The following RBFOX1 variants were observed in gnomAD, a reference collection of about 807,000 sequenced individuals.
RBFOX1 encodes RNA binding fox-1 homolog 1.
Under a neutral mutation model 57.7 loss-of-function variants are expected in RBFOX1, and 8 were observed. That is an observed-to-expected ratio of 0.14 (90% CI 0.08 to 0.25). The LOEUF is 0.25. Ranked by LOEUF, RBFOX1 falls within the 10% of genes least tolerant of loss-of-function variation. The probability of loss-of-function intolerance (pLI) is 1.00; values close to 1 mark genes in which losing one functional copy is unlikely to be tolerated. For missense variants in RBFOX1, 611 were observed against 548.5 expected (o/e 1.11, Z -1.14); for synonymous variants, 326 against 222.4 (o/e 1.47, Z -4.15).
At chr16:7,395,939 A>T (rs1179575477) in intron 4 of RBFOX1, among the ~76,000 whole-genome samples, 1 of 152,160 alleles carries the variant, frequency 6.6e-6, no homozygotes, top group Non-Finnish European at 1.5e-5. Context: ...TTGTCGCAAA[A>T]TACACACCTA....
At chr16:6,094,466 C>G (rs1257006455) in intron 1 of RBFOX1, among the ~76,000 whole-genome samples, 1 of 152,044 alleles carries the variant, frequency 6.6e-6, no homozygotes, top group African/African-American at 2.4e-5. Context: ...TCTAAAGTCA[C>G]CAAGAGAGAA....
In RBFOX1 at chr16:6,815,737, C is replaced by T. The variant is rs138578491; in HGVS notation, c.-16+161087C>T. On this transcript the variant is annotated intron_variant, in intron 3 of 15. Coordinates refer to ENST00000550418, the MANE Select transcript of RBFOX1 (RefSeq NM_018723.4). The stretch of plus-strand genomic sequence containing the variant: ...ACCATTACCCACTCTTCTCTCTGGT[C>T]CCCAGCAAAAAGTCTATAGTTTGCA... 9.2e-5 allele frequency among the ~76,000 whole-genome samples: 14 copies of T among 152,290 alleles called. No individual in the cohort carries two copies. In the East Asian group the frequency reaches 1.2e-3, roughly 13 times the overall value.
chr16:7,662,612 T>G (rs2068050060), intron 12 of RBFOX1, among the ~76,000 whole-genome samples: 1 of 152,182 alleles, frequency 6.6e-6, no homozygotes, highest in South Asian at 2.1e-4. Flanking sequence ...ACGAGTCACA[T>G]GCACACAGAC....
intron 4 of RBFOX1, among the ~76,000 whole-genome samples, chr16:7,247,476 A>G (rs990121653): frequency 6.6e-6 from 1 of 152,162 alleles, no homozygotes; most frequent in Non-Finnish European, 1.5e-5. Flanking sequence ...TGTGATAGGC[A>G]CTCAGTAAAT....
chr16:6,970,706 A>G (rs1179278233), intron 3 of RBFOX1, among the ~76,000 whole-genome samples: 1 of 152,186 alleles, frequency 6.6e-6, no homozygotes, highest in African/African-American at 2.4e-5. Flanking sequence ...TAATACTATC[A>G]TGTTGGATAT....
intron 3 of RBFOX1, among the ~76,000 whole-genome samples, chr16:6,657,479 G>A (rs963748306): frequency 6.6e-6 from 1 of 152,002 alleles, no homozygotes; most frequent in Non-Finnish European, 1.5e-5. Context: ...ATGGTGTGAG[G>A]CCACACAGGG....
Position 6,730,761 on chromosome 16 carries a change from G to A in RBFOX1, c.-16+76111G>A, listed in dbSNP as rs372725615. On this transcript the variant is annotated intron_variant, in intron 3 of 15. Coordinates refer to ENST00000550418, the MANE Select transcript of RBFOX1 (RefSeq NM_018723.4). ...ACAAAACCGATTATTTAGTGGGTTA[G>A]GAATTCTAGAGTTGGAAGATGGCTT... 2.2e-4 allele frequency among the ~76,000 whole-genome samples: 34 copies of A among 152,306 alleles called. No homozygotes were observed. In the East Asian group the frequency reaches 5.2e-3, roughly 23 times the overall value.
chr16:7,601,973 A>G (rs930382793), intron 9 of RBFOX1, among the ~76,000 whole-genome samples: 15 of 152,322 alleles, frequency 9.8e-5, no homozygotes, highest in African/African-American at 3.6e-4. Context: ...CACCTGTACC[A>G]TGTCAGCTGC....
At chr16:5,379,118 C>T (rs1470442932) in intron 1 of RBFOX1, among the ~76,000 whole-genome samples, 2 of 151,504 alleles carry the variant, frequency 1.3e-5, no homozygotes, top group Non-Finnish European at 2.9e-5. Flanking sequence ...GCATCAACAG[C>T]GTAAGAGACG....
intron 1 of RBFOX1, among the ~76,000 whole-genome samples, chr16:5,406,843 C>T (rs920638389): frequency 1.3e-5 from 2 of 152,080 alleles, no homozygotes; most frequent in African/African-American, 2.4e-5. Flanking sequence ...TAGTCAGATC[C>T]GTGGGCACTC....
intron 3 of RBFOX1, among the ~76,000 whole-genome samples, chr16:5,802,942 G>A (rs190814443): frequency 2.0e-4 from 31 of 152,278 alleles, no homozygotes; most frequent in Middle Eastern, 3.4e-3. Flanking sequence ...CAATATGCTT[G>A]TCTTGAACTT....
At chr16:6,784,740 A>G (rs551369591) in intron 3 of RBFOX1, among the ~76,000 whole-genome samples, 68 of 151,674 alleles carry the variant, frequency 4.5e-4, no homozygotes, top group Middle Eastern at 3.2e-3. Context: ...TAGTTGTTCA[A>G]TTTGGTGTTC....
chr16:6,370,026 T>G (rs1252628896), intron 2 of RBFOX1, among the ~76,000 whole-genome samples: 1 of 152,096 alleles, frequency 6.6e-6, no homozygotes, highest in Non-Finnish European at 1.5e-5. Context: ...ACAGTGACAG[T>G]CTTGCTTGGT....
At chr16:5,555,957 G>T (rs928929620) in intron 2 of RBFOX1, among the ~76,000 whole-genome samples, 2 of 152,114 alleles carry the variant, frequency 1.3e-5, no homozygotes, top group African/African-American at 2.4e-5. Context: ...GGAGGTGGAG[G>T]TTGCAGCGAG....
At chr16:5,879,770 A>C (rs60226700) in intron 4 of RBFOX1, among the ~76,000 whole-genome samples, 1 of 152,154 alleles carries the variant, frequency 6.6e-6, no homozygotes, top group Non-Finnish European at 1.5e-5. Context: ...GGGTGGCTCT[A>C]TCCATCTGTT....
chr16:5,318,596 CAAA>C (rs869222399), intron 1 of RBFOX1, among the ~76,000 whole-genome samples: 1 of 129,924 alleles, frequency 7.7e-6, no homozygotes, highest in South Asian at 2.7e-4. Flanking sequence ...AAAAAACAAA[CAAA>C]AAAACAAAAC....
intron 3 of RBFOX1, among the ~76,000 whole-genome samples, chr16:6,891,806 T>A (rs2065493860): frequency 6.6e-6 from 1 of 152,190 alleles, no homozygotes; most frequent in Admixed American, 6.5e-5. Flanking sequence ...GAGCAAAGGT[T>A]GAGCCAGCCT....
chr16:6,076,360 A>C (rs571715139), intron 1 of RBFOX1, among the ~76,000 whole-genome samples: 32 of 151,132 alleles, frequency 2.1e-4, no homozygotes, highest in Admixed American at 6.6e-4. Flanking sequence ...ACACACACAC[A>C]CCCCACCTCT....
rs776712043 is a variant in RBFOX1 at position 5,373,585 on chromosome 16, T to G, written c.220-93631T>G. Reference sequence around the variant, plus strand: ...ACTTCCTGTACAGCCTGCAGAACCGTGAGCCAGTTAAACGTCTTTTCTTTT... The same window carrying G: ...ACTTCCTGTACAGCCTGCAGAACCGGGAGCCAGTTAAACGTCTTTTCTTTT... On this transcript the variant is annotated intron_variant, in intron 1 of 2. Transcript: ENST00000585867. Among the ~76,000 whole-genome samples the G allele has an allele frequency of 3.6e-4, 54 of 151,988 alleles. 1 individual carries two copies. The highest frequency in any genetic ancestry group is 1.2e-3 in the African/African-American group (50 of 41,360).
Sources: gnomAD v4.1 joint callset for allele counts (sites outside exome capture counted in the v4.1 genomes callset) on GRCh38, gnomAD v4.1.1 for gene constraint, MANE v1.5 for transcripts, NCBI Gene and HGNC (gene_info 2026-07-23, HGNC 2026-07-21) for gene names.